ALOX12B: variants seen among roughly 807,000 people sequenced by gnomAD.
ALOX12B encodes the protein arachidonate 12-lipoxygenase, 12R type.
Under a neutral mutation model 78.9 loss-of-function variants are expected in ALOX12B, and 47 were observed. The observed-to-expected ratio is 0.60, with a 90% CI of 0.47 to 0.76. The LOEUF (loss-of-function observed/expected upper bound fraction) is 0.76. ALOX12B is among the 30% of genes least tolerant of loss of function. The pLI, the probability that ALOX12B is intolerant of heterozygous loss-of-function variation, is 0.00. For synonymous variants in ALOX12B, 370 were observed against 374.5 expected, an observed-to-expected ratio of 0.99 and a Z score of 0.14; for missense variants, 805 against 922.6, an observed-to-expected ratio of 0.87 and a Z score of 1.65.
chr17:8,075,836 T>G, intron 11 of ALOX12B, 120 bp from the exon 12 acceptor site: 3 of 1,530,290 alleles, frequency 2.0e-6, no homozygotes, highest in Non-Finnish European at 2.7e-6. Context: ...CCCAGGCCTG[T>G]GGGAGGGCAA....
chr17:8,085,009 C>T (rs1978292545), intron 2 of ALOX12B, among the ~76,000 whole-genome samples: 1 of 152,186 alleles, frequency 6.6e-6, no homozygotes, highest in African/African-American at 2.4e-5. Context: ...GCAGCCTTGG[C>T]CAGCCTTAAC....
chr17:8,083,368 C>T (rs1978289542), intron 2 of ALOX12B, among the ~76,000 whole-genome samples: 2 of 152,188 alleles, frequency 1.3e-5, no homozygotes, highest in Admixed American at 1.3e-4. Flanking sequence ...TTATGTATTA[C>T]GTGGGGACAA....
At position 8,080,469 on chromosome 17, in the gene ALOX12B, C is replaced by G. The variant is rs1262493770; in HGVS notation, c.651-131G>C. On this transcript the variant is annotated intron_variant, in intron 5 of 14. Transcript: ENST00000647874. The surrounding 1 kb of genome is among the most constrained non-coding windows in gnomAD (Gnocchi z 4.8). ...CTGTGCGTCGCAAAGTCTCTGGGTCCCATGTCTCAAGATCTTTGCATCTCT... is the reference window on the plus strand; with the variant it reads ...CTGTGCGTCGCAAAGTCTCTGGGTCGCATGTCTCAAGATCTTTGCATCTCT... 1 of 1,390,740 alleles carries G rather than the reference C, an allele frequency of 7.2e-7. No homozygotes were observed. Among genetic ancestry groups the G allele is most frequent in the Non-Finnish European group, 1.0e-6 (1 of 984,730 alleles). 86.1% of individuals were successfully genotyped at this position (1,390,740 alleles called of 1,614,324 possible). A position where few individuals can be genotyped will look rare whatever the true frequency, so the allele number is the denominator to read the frequency against.
At chr17:8,083,357 A>T (rs148009586) in intron 2 of ALOX12B, among the ~76,000 whole-genome samples, 1 of 152,226 alleles carries the variant, frequency 6.6e-6, no homozygotes, top group African/African-American at 2.4e-5. Context: ...AACAGTCGCT[A>T]TTATGTATTA....
chr17:8,081,035 C>A (rs1977206626), intron 3 of ALOX12B, 59 bp from the exon 4 acceptor site: 1 of 1,612,836 alleles, frequency 6.2e-7, no homozygotes, highest in Non-Finnish European at 8.5e-7. Flanking sequence ...GGCAAAGGGC[C>A]AGAGCCATCA....
rs758902900 is a variant in ALOX12B at position 8,086,212 on chromosome 17, C to G, written c.156G>C (p.Gln52His). 6.2e-7 allele frequency: 1 copy of G among 1,613,992 alleles called. No homozygotes were observed. The highest frequency in any genetic ancestry group is 1.3e-5 in the African/African-American group (1 of 75,032). Residue 52 changes from glutamine (Q) to histidine (H), a missense_variant, in exon 2 of 15, where the codon CAG (glutamine) becomes CAC (histidine). Transcript: ENST00000647874. ...GRDFATGAVG[Q>H]YTVQCPQDLG... Reference sequence around the variant, plus strand: ...GGTCCTGAGGGCACTGCACGGTGTACTGGCCCACCTAGGCAGGATGCAAGC... The same window carrying G: ...GGTCCTGAGGGCACTGCACGGTGTAGTGGCCCACCTAGGCAGGATGCAAGC...
Position 8,079,988 on chromosome 17 carries a change from G to C in ALOX12B, c.755-47C>G. The C allele has an allele frequency of 6.3e-7, 1 of 1,591,932 alleles. No homozygotes were observed. Among genetic ancestry groups the C allele is most frequent in the Non-Finnish European group, 8.6e-7 (1 of 1,169,028 alleles). Reference sequence around the variant, plus strand: ...GTCACAAGGAGGCCCGGCCCCCCTCGGGGACGGAGAGGCATGGGACAGAAG... The same window carrying C: ...GTCACAAGGAGGCCCGGCCCCCCTCCGGGACGGAGAGGCATGGGACAGAAG... On this transcript the variant is annotated intron_variant, in intron 6 of 14. Transcript: ENST00000647874. This position sits in a 1 kb window ranked among gnomAD's most constrained non-coding sequence, Gnocchi z 6.4.
chr17:8,081,002 C>G, intron 3 of ALOX12B, 26 bp from the exon 4 acceptor site: 1 of 1,613,916 alleles, frequency 6.2e-7, no homozygotes, highest in Non-Finnish European at 8.5e-7. Flanking sequence ...AGATGTCACC[C>G]TCATGCCCGT....
intron 2 of ALOX12B, among the ~76,000 whole-genome samples, chr17:8,084,554 A>T (rs1598183565): frequency 6.6e-6 from 1 of 151,434 alleles, no homozygotes; most frequent in Admixed American, 6.6e-5. Flanking sequence ...CTTCCATGTC[A>T]CCCAGACCTG....
chr17:8,083,924 C>T (rs1243782049), intron 2 of ALOX12B, among the ~76,000 whole-genome samples: 1 of 151,966 alleles, frequency 6.6e-6, no homozygotes, highest in Non-Finnish European at 1.5e-5. Flanking sequence ...TTTGGGAGGC[C>T]AAGGCAGGCA....
At chr17:8,081,960 T>G (rs932717848) in intron 2 of ALOX12B, among the ~76,000 whole-genome samples, 1 of 152,210 alleles carries the variant, frequency 6.6e-6, no homozygotes, top group Non-Finnish European at 1.5e-5. Flanking sequence ...ACACATTTTT[T>G]AACACCCATT....
chr17:8,076,143 C>G (rs754614232), intron 11 of ALOX12B, 32 bp downstream of exon 11: 1 of 1,613,616 alleles, frequency 6.2e-7, no homozygotes, highest in East Asian at 2.2e-5. Context: ...GTTGTCCACC[C>G]TAAGAGCCAC....
At chr17:8,086,321 A>G (rs936729355) in intron 1 of ALOX12B, 101 bp from the exon 2 acceptor site, 10 of 1,164,160 alleles carry the variant, frequency 8.6e-6, no homozygotes, top group Admixed American at 3.9e-5. Context: ...CATGCTGCGC[A>G]ATGCTCACCT....
chr17:8,080,939 GCA>G lies in ALOX12B; in HGVS notation c.470_471del (p.Val157AlafsTer19), dbSNP rs1491473554. 1 of 1,613,926 alleles carries G rather than the reference GCA, an allele frequency of 6.2e-7. No homozygotes were observed. Among genetic ancestry groups the G allele is most frequent in the South Asian group, 1.1e-5 (1 of 91,082 alleles). ...ACCGGAGGGCGGTAACTGGGAATGTGCACATAGCTGGGCAGGCCAGGAAGAAA... is the reference window on the plus strand; with the variant it reads ...ACCGGAGGGCGGTAACTGGGAATGTGCATAGCTGGGCAGGCCAGGAAGAAA... ...RVFLPGLPSY[V>X]HIPSYRPPVR... On this transcript the variant is annotated frameshift_variant, in exon 4 of 15. Coordinates refer to ENST00000647874, the MANE Select transcript of ALOX12B (RefSeq NM_001139.3). LOFTEE classifies it high-confidence loss of function. This position sits in a 1 kb window ranked among gnomAD's most constrained non-coding sequence, Gnocchi z 4.8.
At chr17:8,087,247 C>CACAG (rs1978303355) in intron 1 of ALOX12B, 49 bp downstream of exon 1, 1 of 1,096,536 alleles carries the variant, frequency 9.1e-7, no homozygotes, top group Non-Finnish European at 1.2e-6. Flanking sequence ...GACACACACA[C>CACAG]ACACACACAC....
Position 8,073,164 on chromosome 17 carries a change from C to G in ALOX12B, c.1910G>C (p.Arg637Pro). ...GTCTCGCACCCTGTCGTCAGGCTCTCGGCTGAGGGTCCAGAGCACCAGCAG... is the reference window on the plus strand; with the variant it reads ...GTCTCGCACCCTGTCGTCAGGCTCTGGGCTGAGGGTCCAGAGCACCAGCAG... ...ITLLVLWTLS[R>P]EPDDRRPLGH... Residue 637 changes from arginine to proline, a missense_variant, in exon 14 of 15, where the codon CGA (arginine) becomes CCA (proline). Arg to Pro is a moderately radical substitution (Grantham distance 103). Coordinates refer to ENST00000647874, the MANE Select transcript of ALOX12B (RefSeq NM_001139.3). 1.2e-6 allele frequency: 2 copies of G among 1,614,168 alleles called. No homozygotes were observed. The highest frequency in any genetic ancestry group is 1.7e-6 in the Non-Finnish European group (2 of 1,180,036).
At position 8,086,043 on chromosome 17, in the gene ALOX12B, C is replaced by T. The variant is rs536446862; in HGVS notation, c.325G>A (p.Glu109Lys). ...GTGGCCTCCCGGAGTGCCAGGGTCT[C>T]GTAGCCATCCATCCACTGGTAGGCG... ...FPAYQWMDGY[E>K]TLALREATGK... is the part of the protein sequence containing the mutation. The change falls in exon 2 of 15, where the codon GAG becomes AAG. Residue 109 changes from glutamate (E) to lysine (K), a missense_variant. By Grantham distance (56) the Glu-to-Lys change is moderately conservative. Coordinates refer to ENST00000647874, the MANE Select transcript of ALOX12B (RefSeq NM_001139.3). 1.1e-5 allele frequency: 18 copies of T among 1,614,180 alleles called. No individual in the cohort carries two copies. Among genetic ancestry groups the T allele is most frequent in the South Asian group, 6.6e-5 (6 of 91,088 alleles).
chr17:8,072,751 G>A lies in ALOX12B; in HGVS notation c.*20C>T. 6.2e-7 allele frequency: 1 copy of A among 1,614,114 alleles called. No homozygotes were observed. Among genetic ancestry groups the A allele is most frequent in the Non-Finnish European group, 8.5e-7 (1 of 1,179,924 alleles). On this transcript the variant is annotated 3_prime_UTR_variant, in exon 15 of 15. Transcript: ENST00000647874. ...ATAGTAGGGCACAGAATGGGGAGAG[G>A]AGAGACGGGAAGCGCGCTCCTAAAT... is the stretch of plus-strand genomic sequence containing the variant.
chr17:8,084,647 C>T (rs763015440), intron 2 of ALOX12B, among the ~76,000 whole-genome samples: 1 of 152,240 alleles, frequency 6.6e-6, no homozygotes, highest in African/African-American at 2.4e-5. Context: ...CTCGCCTCTC[C>T]TTTCCCCAGC....
Sources: gnomAD v4.1 joint callset for allele counts (sites outside exome capture counted in the v4.1 genomes callset) on GRCh38, gnomAD v4.1.1 for gene constraint, Gnocchi (gnomAD v3.1) non-coding constraint, MANE v1.5 for transcripts, NCBI Gene and HGNC (gene_info 2026-07-23, HGNC 2026-07-21) for gene names.